MAST4: variants seen among roughly 807,000 people sequenced by gnomAD.
MAST4 encodes the protein microtubule-associated serine/threonine-protein kinase 4.
MAST4 carries 89 observed loss-of-function variants against 162.7 expected under a neutral mutation model. The ratio of observed to expected loss-of-function variants is 0.55; its 90% confidence interval spans 0.46 to 0.65. The LOEUF (loss-of-function observed/expected upper bound fraction) is 0.65. Ranked by LOEUF, MAST4 falls within the 30% of genes least tolerant of loss-of-function variation. The pLI is 0.00. For synonymous variants in MAST4, 1,479 were observed against 1,361.1 expected (o/e 1.09, Z -1.91); for missense variants, 3,153 against 3,374.0 (o/e 0.93, Z 1.62).
Position 66,959,259 on chromosome 5 carries a change from G to A in MAST4, c.674+59277G>A, listed in dbSNP as rs138507923. ...AACATATAACAACCATGAAAGCCCA[G>A]CGGGAAAGGCTACAGATTCCGGGGC... On this transcript the variant is annotated intron_variant, in intron 4 of 28. Coordinates refer to ENST00000403625, the MANE Select transcript of MAST4 (RefSeq NM_001164664.2). 6.8e-4 allele frequency: 532 copies of A among 779,724 alleles called. 1 individual carries two copies. The African/African-American group carries it at 7.9e-3, about 12-fold the overall frequency. 48.3% of individuals were successfully genotyped at this position (779,724 alleles called of 1,614,324 possible). A position where few individuals can be genotyped will look rare whatever the true frequency, so the allele number is the denominator to read the frequency against.
intron 1 of MAST4, among the ~76,000 whole-genome samples, chr5:66,627,566 G>A (rs1242505925): frequency 6.6e-6 from 1 of 152,180 alleles, no homozygotes; most frequent in Non-Finnish European, 1.5e-5. Flanking sequence ...AGAATTTTTA[G>A]ATCAATGGCT....
intron 4 of MAST4, among the ~76,000 whole-genome samples, chr5:67,014,505 G>T (rs1753051444): frequency 6.6e-6 from 1 of 152,140 alleles, no homozygotes; most frequent in Non-Finnish European, 1.5e-5. Flanking sequence ...TTGATGTCTG[G>T]GGTTACGTAT....
intron 3 of MAST4, among the ~76,000 whole-genome samples, chr5:66,869,077 G>A (rs767484557): frequency 1.3e-5 from 2 of 152,158 alleles, no homozygotes; most frequent in Non-Finnish European, 2.9e-5. Flanking sequence ...TAGGAGCCTG[G>A]CACTGTGCTT....
Position 66,750,437 on chromosome 5 carries a change from G to A in MAST4, c.364-9272G>A, listed in dbSNP as rs188346624. ...ACAGTGGGCGCAGGTCAGTGGGTGC[G>A]TGCACCGTGTGCGAGCCGAAGCAGG... On this transcript the variant is annotated intron_variant, in intron 1 of 28. Transcript: ENST00000403625. 5.5e-3 allele frequency among the ~76,000 whole-genome samples: 833 copies of A among 152,288 alleles called. 7 individuals carry two copies. Among genetic ancestry groups the A allele is most frequent in the South Asian group, 0.05 (242 of 4,822 alleles).
intron 4 of MAST4, among the ~76,000 whole-genome samples, chr5:66,946,133 A>G (rs1281074237): frequency 6.6e-6 from 1 of 152,164 alleles, no homozygotes; most frequent in Non-Finnish European, 1.5e-5. Flanking sequence ...CCACTCTCAA[A>G]CTGAAATTAT....
intron 10 of MAST4, among the ~76,000 whole-genome samples, chr5:67,109,527 A>G (rs1765978428): frequency 6.6e-6 from 1 of 152,202 alleles, no homozygotes. Context: ...GGTCCCAAGC[A>G]TTTTGGATAA....
chr5:67,067,662 A>G (rs1215293637), intron 5 of MAST4, among the ~76,000 whole-genome samples: 7 of 152,140 alleles, frequency 4.6e-5, no homozygotes, highest in African/African-American at 1.7e-4. Context: ...TGATATACCA[A>G]CCTTTGGAGG....
In MAST4 at chr5:66,735,993, T is replaced by A. The variant is rs535574544; in HGVS notation, c.364-23716T>A. Among the ~76,000 whole-genome samples the A allele has an allele frequency of 5.3e-5, 8 of 152,374 alleles. No individual in the cohort carries two copies. In the South Asian group the frequency reaches 1.0e-3, roughly 20 times the overall value. On this transcript the variant is annotated intron_variant, in intron 1 of 28. Coordinates refer to ENST00000403625, the MANE Select transcript of MAST4 (RefSeq NM_001164664.2). ...ACAAGATAGGGTGATATGGAACATT[T>A]AATCTTAGAGCAAATAGCTGTGGGA...
intron 4 of MAST4, among the ~76,000 whole-genome samples, chr5:66,966,243 A>G (rs1561486938): frequency 6.6e-6 from 1 of 152,194 alleles, no homozygotes; most frequent in Non-Finnish European, 1.5e-5. Flanking sequence ...TTGAGTTTTA[A>G]TTATCTGGTT....
chr5:66,823,609 C>T (rs1757097919), intron 3 of MAST4, among the ~76,000 whole-genome samples: 1 of 152,076 alleles, frequency 6.6e-6, no homozygotes, highest in Admixed American at 6.6e-5. Context: ...TCCTGAGTAG[C>T]TGGGATTACA....
chr5:67,090,770 C>A (rs1165582396), intron 6 of MAST4, among the ~76,000 whole-genome samples: 1 of 151,814 alleles, frequency 6.6e-6, no homozygotes, highest in Non-Finnish European at 1.5e-5. Flanking sequence ...GGATAGCAGG[C>A]ACACAATGTC....
rs1774145572 is a variant in MAST4, at chr5:67,167,106, T to A, written c.*55T>A. The A allele has an allele frequency of 1.4e-6, 2 of 1,441,870 alleles. No homozygotes were observed. The highest frequency in any genetic ancestry group is 1.9e-6 in the Non-Finnish European group (2 of 1,080,922). The allele number at this position is 1,441,870 out of a possible 1,614,324, so 89.3% of individuals were successfully genotyped here. On this transcript the variant is annotated 3_prime_UTR_variant, in exon 29 of 29. Coordinates refer to ENST00000403625, the MANE Select transcript of MAST4 (RefSeq NM_001164664.2). ...GACCCGTCCTGAACGGGCGACTGTG[T>A]CTTGACTACCTTTCAAAACCAGCAC... is the stretch of plus-strand genomic sequence containing the variant.
rs1013977752 is a variant in MAST4, at chr5:67,125,215, T to C, written c.1745+4113T>C. The stretch of plus-strand genomic sequence containing the variant: ...AAATTCTAACTTTCATTTTAAAATA[T>C]ATATTTCCTGTTTGAAAACACCCTT... On this transcript the variant is annotated intron_variant, in intron 14 of 28. Transcript: ENST00000403625. Among the ~76,000 whole-genome samples the C allele has an allele frequency of 2.4e-4, 37 of 152,116 alleles. 1 individual carries two copies. Among genetic ancestry groups the C allele is most frequent in the Admixed American group, 1.3e-4 (2 of 15,260 alleles).
At chr5:67,162,098 ATTG>A (rs1773249174) in intron 27 of MAST4, among the ~76,000 whole-genome samples, 1 of 152,128 alleles carries the variant, frequency 6.6e-6, no homozygotes, top group African/African-American at 2.4e-5. Context: ...TACAGCCTGC[ATTG>A]TTGTTAGGAA....
chr5:66,978,817 T>G (rs1465440351), intron 4 of MAST4, among the ~76,000 whole-genome samples: 1 of 152,248 alleles, frequency 6.6e-6, no homozygotes, highest in East Asian at 1.9e-4. Context: ...TTTCACTTGC[T>G]AGTCTTGAGC....
At chr5:66,747,539 C>A (rs929085014) in intron 1 of MAST4, among the ~76,000 whole-genome samples, 1 of 152,160 alleles carries the variant, frequency 6.6e-6, no homozygotes, top group Non-Finnish European at 1.5e-5. Flanking sequence ...TGTTGCTCAG[C>A]AAATTATTTG....
intron 1 of MAST4, among the ~76,000 whole-genome samples, chr5:66,727,903 T>C (rs748760064): frequency 3.3e-5 from 5 of 152,176 alleles, no homozygotes; most frequent in Admixed American, 6.5e-5. Flanking sequence ...GGATCACTCT[T>C]TATAATGTTG....
At chr5:67,133,941 A>T (rs1769298753) in intron 17 of MAST4, among the ~76,000 whole-genome samples, 1 of 152,154 alleles carries the variant, frequency 6.6e-6, no homozygotes, top group Non-Finnish European at 1.5e-5. Flanking sequence ...TTTTGTAAGG[A>T]ATTCAGGAGT....
chr5:67,118,426 G>A (rs1767177266), intron 12 of MAST4, among the ~76,000 whole-genome samples: 1 of 152,196 alleles, frequency 6.6e-6, no homozygotes, highest in Non-Finnish European at 1.5e-5. Flanking sequence ...CAGCCAATGA[G>A]TTCCTATGCC....
Sources: allele counts gnomAD v4.1 joint callset (sites outside exome capture counted in the v4.1 genomes callset), GRCh38; gene constraint gnomAD v4.1.1; transcripts MANE v1.5; gene names NCBI Gene and HGNC (gene_info 2026-07-23, HGNC 2026-07-21).